The following POLN variants were observed in gnomAD, a reference collection of about 807,000 sequenced individuals.
The protein encoded by POLN is DNA polymerase N.
Under a neutral mutation model 113.5 loss-of-function variants are expected in POLN, and 108 were observed. The observed-to-expected ratio is 0.95, with a 90% CI of 0.81 to 1.12. POLN has a LOEUF of 1.12. POLN is among the 50% of genes most tolerant of loss of function. POLN has a pLI of 0.00. For missense variants in POLN, 1,097 were observed against 1,077.1 expected (o/e 1.02, Z -0.26); for synonymous variants, 386 against 391.5 (o/e 0.99, Z 0.17).
chr4:2,212,904 A>G (rs1577776669), intron 4 of POLN, 143 bp downstream of exon 4: 1 of 471,260 alleles, frequency 2.1e-6, no homozygotes, highest in East Asian at 3.5e-5. Context: ...TTAAACTATA[A>G]GTTCTTGGAG....
At chr4:2,205,544 C>T (rs1057350714) in intron 5 of POLN, among the ~76,000 whole-genome samples, 3 of 152,042 alleles carry the variant, frequency 2.0e-5, no homozygotes, top group African/African-American at 4.8e-5. Flanking sequence ...ATGCAATTCC[C>T]GTCAAAATAC....
At chr4:2,163,152 T>C (rs1732643667) in intron 13 of POLN, among the ~76,000 whole-genome samples, 1 of 151,900 alleles carries the variant, frequency 6.6e-6, no homozygotes, top group South Asian at 2.1e-4. Flanking sequence ...CATTAAATCA[T>C]AGTGCTCTCT....
intron 5 of POLN, among the ~76,000 whole-genome samples, chr4:2,201,347 TA>T (rs201480824): frequency 0.065 from 4,829 of 74,384 alleles, 317 homozygotes; most frequent in African/African-American, 0.21. Flanking sequence ...ATGGCATATA[TA>T]AAAAAAAATC....
At chr4:2,090,585 G>T in intron 20 of POLN, 1 of 460,536 alleles carries the variant, frequency 2.2e-6, no homozygotes. Context: ...CTTCATCGCA[G>T]TCACAGCCTC....
intron 14 of POLN, 110 bp downstream of exon 14, chr4:2,159,045 G>T: frequency 1.2e-6 from 1 of 832,966 alleles, no homozygotes. Flanking sequence ...ATTCCCCTGA[G>T]AACACTGGGA....
intron 16 of POLN, among the ~76,000 whole-genome samples, chr4:2,135,127 C>T (rs1328226772): frequency 2.6e-5 from 4 of 152,088 alleles, no homozygotes; most frequent in Admixed American, 6.5e-5. Flanking sequence ...AGTCACATAA[C>T]GCAGGGTTCA....
chr4:2,108,812 T>G (rs1255571539), intron 19 of POLN, among the ~76,000 whole-genome samples: 1 of 151,938 alleles, frequency 6.6e-6, no homozygotes, highest in Non-Finnish European at 1.5e-5. Context: ...CCCCCATGGG[T>G]GCCCCCTCAG....
intron 4 of POLN, among the ~76,000 whole-genome samples, chr4:2,212,644 C>T (rs1268706455): frequency 6.6e-6 from 1 of 152,052 alleles, no homozygotes; most frequent in Non-Finnish European, 1.5e-5. Flanking sequence ...GCTCAGCTTC[C>T]CAACGTGCTG....
chr4:2,170,722 G>A lies in POLN; in HGVS notation c.1511C>T (p.Pro504Leu). Reference sequence around the variant, plus strand: ...CGGGTATTTCTGCAACCCCGTTCTGGGGAGACTGTTCCTTTGACTCAGCAG... The same window carrying A: ...CGGGTATTTCTGCAACCCCGTTCTGAGGAGACTGTTCCTTTGACTCAGCAG... ...LHLLSQRNSL[P>L]RTGLQKYPST... is the part of the protein sequence containing the mutation. The change falls in exon 13 of 26, where the codon CCC becomes CTC. Residue 504 changes from proline to leucine, a missense_variant. Pro to Leu is a moderately conservative substitution (Grantham distance 98). Coordinates refer to ENST00000511885, the MANE Select transcript of POLN (RefSeq NM_181808.4). 1 of 1,614,150 alleles carries A rather than the reference G, an allele frequency of 6.2e-7. No homozygotes were observed. The highest frequency in any genetic ancestry group is 8.5e-7 in the Non-Finnish European group (1 of 1,180,022).
At position 2,171,165 on chromosome 4, in the gene POLN, A is replaced by T; in HGVS notation, c.1391T>A (p.Leu464Ter). 4 of 1,613,554 alleles carry T rather than the reference A, an allele frequency of 2.5e-6. No individual in the cohort carries two copies. Among genetic ancestry groups the T allele is most frequent in the Non-Finnish European group, 3.4e-6 (4 of 1,179,780 alleles). The change falls in exon 12 of 26, where the codon TTG becomes TAG. Residue 464 changes from leucine to a stop codon, truncating the protein, a stop_gained. Coordinates refer to ENST00000511885, the MANE Select transcript of POLN (RefSeq NM_181808.4). LOFTEE classifies it high-confidence loss of function. ...TGCAACAAAATGAGCTTCTTGCTCC[A>T]ATTCCTTGAGACGAGCCTGAAAATA... Reference protein sequence around the residue: ...SALLGARLKELEQEAHFVAGE... With the variant: ...SALLGARLKE
At chr4:2,218,249 T>A (rs1218480826) in intron 3 of POLN, among the ~76,000 whole-genome samples, 1 of 137,110 alleles carries the variant, frequency 7.3e-6, no homozygotes, top group Non-Finnish European at 1.5e-5. Flanking sequence ...CTGACCAACA[T>A]GGAGAAAGCC....
At position 2,173,846 on chromosome 4, in the gene POLN, A is replaced by C; in HGVS notation, c.1374+109T>G. On this transcript the variant is annotated intron_variant, in intron 11 of 25. Transcript: ENST00000511885. ...AAGAGGGAGAAACACTGTCAACACC[A>C]AACAAGGAAGAGAAGAAAAGGAGAA... 4 of 1,098,976 alleles carry C rather than the reference A, an allele frequency of 3.6e-6. No homozygotes were observed. In the South Asian group the frequency reaches 5.3e-5, roughly 15 times the overall value. 68.1% of individuals were successfully genotyped at this position (1,098,976 alleles called of 1,614,324 possible).
intron 19 of POLN, among the ~76,000 whole-genome samples, chr4:2,122,515 G>C (rs1731466987): frequency 6.6e-6 from 1 of 152,086 alleles, no homozygotes; most frequent in African/African-American, 2.4e-5. Flanking sequence ...TCAAGGAAAT[G>C]CAAGTCAAAG....
intron 12 of POLN, 100 bp downstream of exon 12, chr4:2,170,998 G>C (rs1192078720): frequency 8.9e-7 from 1 of 1,127,580 alleles, no homozygotes; most frequent in Non-Finnish European, 1.3e-6. Context: ...TTACTTTTCA[G>C]ATAGTTGACA....
intron 16 of POLN, among the ~76,000 whole-genome samples, chr4:2,140,183 T>C (rs568748791): frequency 2.6e-5 from 4 of 152,156 alleles, no homozygotes; most frequent in Non-Finnish European, 5.9e-5. Context: ...GTTCAAGTGA[T>C]TGTCCTGCCT....
intron 16 of POLN, among the ~76,000 whole-genome samples, chr4:2,140,561 C>T (rs1023324553): frequency 6.6e-6 from 1 of 152,076 alleles, no homozygotes; most frequent in Non-Finnish European, 1.5e-5. Context: ...AGCCTGGCCA[C>T]CATGGCAGAG....
At chr4:2,180,764 G>A (rs2108751370) in intron 7 of POLN, among the ~76,000 whole-genome samples, 1 of 152,314 alleles carries the variant, frequency 6.6e-6, no homozygotes, top group South Asian at 2.1e-4. Context: ...GTATAAGAAT[G>A]CTCTGGGAGA....
chr4:2,126,876 A>G lies in POLN; in HGVS notation c.1982+1237T>C. ...AGAGTGGGTGGCAACCAGGCCAGAGAGCAGCCAGAGCCCTCGCAGGTCCCC... is the reference window on the plus strand; with the variant it reads ...AGAGTGGGTGGCAACCAGGCCAGAGGGCAGCCAGAGCCCTCGCAGGTCCCC... On this transcript the variant is annotated intron_variant, in intron 19 of 25. Coordinates refer to ENST00000511885, the MANE Select transcript of POLN (RefSeq NM_181808.4). The surrounding 1 kb of genome is among the most constrained non-coding windows in gnomAD (Gnocchi z 4.6). 6.6e-6 allele frequency among the ~76,000 whole-genome samples: 1 copy of G among 152,160 alleles called. No individual in the cohort carries two copies.
chr4:2,229,831 A>C (rs954454358), intron 2 of POLN: 11 of 152,288 alleles, frequency 7.2e-5, no homozygotes, highest in African/African-American at 2.7e-4. Context: ...CTCAAAAAAT[A>C]AAAAATAAAT....
Sources: gnomAD v4.1 joint callset for allele counts (sites outside exome capture counted in the v4.1 genomes callset) on GRCh38, gnomAD v4.1.1 for gene constraint, Gnocchi (gnomAD v3.1) non-coding constraint, MANE v1.5 for transcripts, NCBI Gene and HGNC (gene_info 2026-07-23, HGNC 2026-07-21) for gene names.